The following PLRG1 variants were observed in gnomAD, a reference collection of about 807,000 sequenced individuals.
The protein encoded by PLRG1 is pleiotropic regulator 1.
A neutral mutation model predicts 74.9 loss-of-function variants in PLRG1; 28 were observed. The ratio of observed to expected loss-of-function variants is 0.37; its 90% CI spans 0.28 to 0.51. PLRG1 has a LOEUF of 0.51. Among genes scored for constraint, PLRG1 ranks in the 20% least tolerant of loss-of-function variants. The pLI, the probability that PLRG1 is intolerant of heterozygous loss-of-function variation, is 0.91. For synonymous variants in PLRG1, 197 were observed against 212.4 expected, an observed-to-expected ratio of 0.93 and a Z score of 0.63; for missense variants, 445 against 631.9, an observed-to-expected ratio of 0.70 and a Z score of 3.17.
Position 154,544,541 on chromosome 4 carries a change from G to T in PLRG1, c.498C>A (p.Val166=). 2 of 1,556,892 alleles carry T rather than the reference G, an allele frequency of 1.3e-6. No individual in the cohort carries two copies. Among genetic ancestry groups the T allele is most frequent in the Non-Finnish European group, 1.8e-6 (2 of 1,128,118 alleles). Residue 166 remains valine, a synonymous_variant, in exon 7 of 15, where the codon GTC becomes GTA. Transcript: ENST00000499023. ...AGTTCTTGGTATTGCCAGTCTCCAT[G>T]ACAATCTAGACATAGAAGAGACATT... is the stretch of plus-strand genomic sequence containing the variant. ...RPQPTAMNSI[V]METGNTKNSA...
At chr4:154,546,017 C>T in intron 5 of PLRG1, 94 bp from the exon 6 acceptor site, 1 of 1,091,124 alleles carries the variant, frequency 9.2e-7, no homozygotes, top group Non-Finnish European at 1.3e-6. Context: ...TTATAAAGTC[C>T]TGATAAAGGA....
At chr4:154,540,214 C>G (rs946744207) in intron 10 of PLRG1, 161 bp from the exon 11 acceptor site, 16 of 585,480 alleles carry the variant, frequency 2.7e-5, no homozygotes, top group Non-Finnish European at 4.2e-5. Context: ...AACTGGAGGA[C>G]GAATATAAAT....
At position 154,538,088 on chromosome 4, in the gene PLRG1, G is replaced by A; in HGVS notation, c.1172C>T (p.Ser391Phe). 6.8e-7 allele frequency: 1 copy of A among 1,478,804 alleles called. No individual in the cohort carries two copies. Among genetic ancestry groups the A allele is most frequent in the South Asian group, 1.4e-5 (1 of 73,774 alleles). 91.6% of individuals were successfully genotyped at this position (1,478,804 alleles called of 1,614,324 possible). The part of the protein sequence containing the change: ...HPRHYTFASG[S>F]PDNIKQWKFP... ...TTTCCACTGCTTTATGTTATCTGGA[G>A]AACCAGATGCAAATGTGTAACTGAA... The change falls in exon 13 of 15, where the codon TCT becomes TTT. Residue 391 changes from serine (S) to phenylalanine (F), a missense_variant. Around this residue, in one of 3 missense-constraint regions of PLRG1, gnomAD observed 221 missense variants for 377.7 expected, o/e 0.59. Coordinates refer to ENST00000499023, the MANE Select transcript of PLRG1 (RefSeq NM_002669.4).
At chr4:154,538,182 T>C in intron 12 of PLRG1, 74 bp from the exon 13 acceptor site, 1 of 741,936 alleles carries the variant, frequency 1.3e-6, no homozygotes, top group Non-Finnish European at 2.1e-6. Context: ...AAAAAGTTTA[T>C]TTCAGTTATA....
Position 154,550,296 on chromosome 4 carries a change from T to C in PLRG1, c.9+4A>G, listed in dbSNP as rs188284103. ...GACTCTTGAGAGCCCCAGTGTCACT[T>C]TACCTCGACCATGATGCTACCGTGT... On this transcript the variant is annotated splice_donor_region_variant and intron_variant, in intron 1 of 14. Transcript: ENST00000499023. 1.7e-5 allele frequency: 28 copies of C among 1,613,668 alleles called. No individual in the cohort carries two copies. Among genetic ancestry groups the C allele is most frequent in the East Asian group, 2.2e-5 (1 of 44,882 alleles).
In PLRG1 at chr4:154,535,116, TAACA is replaced by T. The variant is rs1200030388; in HGVS notation, c.*1565_*1568del. 6.6e-6 allele frequency: 1 copy of T among 152,142 alleles called. No individual in the cohort carries two copies. The highest frequency in any genetic ancestry group is 1.5e-5 in the Non-Finnish European group (1 of 68,002). 9.4% of individuals were successfully genotyped at this position (152,142 alleles called of 1,614,324 possible). A position where few individuals can be genotyped will look rare whatever the true frequency, so the allele number is the denominator to read the frequency against. ...AAAGTTCTTCCATAATTCTGCTTCCTAACAAAGCCACTGTTAGTAATGTGGTGTT... is the reference window on the plus strand; with the variant it reads ...AAAGTTCTTCCATAATTCTGCTTCCTAAGCCACTGTTAGTAATGTGGTGTT... On this transcript the variant is annotated 3_prime_UTR_variant, in exon 15 of 15. Transcript: ENST00000499023.
chr4:154,547,214 T>A (rs1236301021), intron 3 of PLRG1, 150 bp from the exon 4 acceptor site: 3 of 696,160 alleles, frequency 4.3e-6, no homozygotes, highest in Non-Finnish European at 7.8e-6. Context: ...GGGAAGTTGA[T>A]CACTTTTGCT....
chr4:154,537,989 T>C lies in PLRG1; in HGVS notation c.1271A>G (p.Asp424Gly), dbSNP rs113308763. Reference protein sequence around the residue: ...AIINTLTVNSDGVLVSGADNG... With the variant: ...AIINTLTVNSGGVLVSGADNG... The stretch of plus-strand genomic sequence containing the variant: ...TTTACCTCCAGATACAAGCACTCCA[T>C]CAGAATTTACCGTCAATGTGTTAAT... The change falls in exon 13 of 15, where the codon GAT becomes GGT. Residue 424 changes from aspartate to glycine, a missense_variant. By Grantham distance (94) the Asp-to-Gly change is moderately conservative (BLOSUM62 -1). This residue lies in a region of PLRG1 where 221 missense variants were observed against 377.7 expected (regional missense o/e 0.59). Transcript: ENST00000499023. The C allele has an allele frequency of 1.3e-6, 2 of 1,517,710 alleles. No individual in the cohort carries two copies. The highest frequency in any genetic ancestry group is 1.8e-6 in the Non-Finnish European group (2 of 1,119,136). The allele number at this position is 1,517,710 out of a possible 1,614,324, so 94.0% of individuals were successfully genotyped here.
At chr4:154,544,776 G>T (rs1368632131) in intron 6 of PLRG1, among the ~76,000 whole-genome samples, 5 of 152,150 alleles carry the variant, frequency 3.3e-5, no homozygotes, top group Non-Finnish European at 2.9e-5. Context: ...ACCCAGCTTG[G>T]CCAATTACTA....
rs749472955 is a variant in PLRG1, at chr4:154,537,463, C to G, written c.1308G>C (p.Met436Ile). 86 of 1,612,764 alleles carry G rather than the reference C, an allele frequency of 5.3e-5. No homozygotes were observed. The highest frequency in any genetic ancestry group is 5.8e-5 in the Non-Finnish European group (68 of 1,179,186). Reference sequence around the variant, plus strand: ...AGCCAGTTCTCCAGTCCCAAAGATGCATGGTGCCATTGTCAGCTTAAAGGG... The same window carrying G: ...AGCCAGTTCTCCAGTCCCAAAGATGGATGGTGCCATTGTCAGCTTAAAGGG... Reference protein sequence around the residue: ...VLVSGADNGTMHLWDWRTGYN... With the variant: ...VLVSGADNGTIHLWDWRTGYN... The change falls in exon 14 of 15, where the codon ATG becomes ATC. Residue 436 changes from methionine (M) to isoleucine (I), a missense_variant. Around this residue, in one of 3 missense-constraint regions of PLRG1, gnomAD observed 221 missense variants for 377.7 expected, o/e 0.59. Coordinates refer to ENST00000499023, the MANE Select transcript of PLRG1 (RefSeq NM_002669.4).
intron 8 of PLRG1, 132 bp from the exon 9 acceptor site, chr4:154,541,066 T>C: frequency 1.6e-6 from 1 of 638,940 alleles, no homozygotes; most frequent in Non-Finnish European, 2.4e-6. Context: ...ATAAAAAATT[T>C]TGCAAAATGA....
chr4:154,540,929 C>T lies in PLRG1; in HGVS notation c.693G>A (p.Trp231Ter). 1 of 1,591,132 alleles carries T rather than the reference C, an allele frequency of 6.3e-7. No individual in the cohort carries two copies. The highest frequency in any genetic ancestry group is 8.5e-7 in the Non-Finnish European group (1 of 1,171,498). The change falls in exon 9 of 15, where the codon TGG becomes TGA. Residue 231 changes from tryptophan to a stop codon, truncating the protein, a stop_gained. Transcript: ENST00000499023. LOFTEE classifies it high-confidence loss of function. ...GTTTTAATTTGCCACTAGCCAAGTC[C>T]CAGATCTGCAATCAAAGAATATTTA... Reference protein sequence around the residue: ...TGSADRTIKIWDLASGKLKLS... With the variant: ...TGSADRTIKI
rs1729429394 is a variant in PLRG1 at position 154,535,477 on chromosome 4, C to T, written c.*1208G>A. The T allele has an allele frequency of 6.6e-6, 1 of 150,706 alleles. No individual in the cohort carries two copies. Among genetic ancestry groups the T allele is most frequent in the Non-Finnish European group, 1.5e-5 (1 of 67,760 alleles). The allele number at this position is 150,706 out of a possible 1,614,324, so 9.3% of individuals were successfully genotyped here. ...TCCCAGAAAACTACATTCCTAAAGG[C>T]TGTGACAATTATACTCCCACCTATG... On this transcript the variant is annotated 3_prime_UTR_variant, in exon 15 of 15. Coordinates refer to ENST00000499023, the MANE Select transcript of PLRG1 (RefSeq NM_002669.4).
In PLRG1 at chr4:154,542,313, G is replaced by A. The variant is rs375824066; in HGVS notation, c.595-34C>T. 49 of 1,336,058 alleles carry A rather than the reference G, an allele frequency of 3.7e-5. No homozygotes were observed. The Middle Eastern group carries it at 9.0e-4, about 25-fold the overall frequency. The allele number at this position is 1,336,058 out of a possible 1,614,324, so 82.8% of individuals were successfully genotyped here. A position where few individuals can be genotyped will look rare whatever the true frequency, so the allele number is the denominator to read the frequency against. On this transcript the variant is annotated intron_variant, in intron 7 of 14. Coordinates refer to ENST00000499023, the MANE Select transcript of PLRG1 (RefSeq NM_002669.4). ...AACAAAGTAGAATGGGCAGGCCAACGTAGAAGTTAAAATGTATTTAAGTTT... is the reference window on the plus strand; with the variant it reads ...AACAAAGTAGAATGGGCAGGCCAACATAGAAGTTAAAATGTATTTAAGTTT...
At position 154,550,289 on chromosome 4, in the gene PLRG1, T is replaced by A. The variant is rs534606242; in HGVS notation, c.9+11A>T. 1 of 1,612,784 alleles carries A rather than the reference T, an allele frequency of 6.2e-7. No homozygotes were observed. Among genetic ancestry groups the A allele is most frequent in the South Asian group, 1.1e-5 (1 of 91,074 alleles). On this transcript the variant is annotated intron_variant, in intron 1 of 14. Coordinates refer to ENST00000499023, the MANE Select transcript of PLRG1 (RefSeq NM_002669.4). ...GACAAACGACTCTTGAGAGCCCCAG[T>A]GTCACTTTACCTCGACCATGATGCT... is the stretch of plus-strand genomic sequence containing the variant.
Position 154,535,534 on chromosome 4 carries a change from C to G in PLRG1, c.*1151G>C, listed in dbSNP as rs1729430679. 1 of 150,508 alleles carries G rather than the reference C, an allele frequency of 6.6e-6. No homozygotes were observed. The highest frequency in any genetic ancestry group is 2.1e-4 in the South Asian group (1 of 4,716). The allele number at this position is 150,508 out of a possible 1,614,324, so 9.3% of individuals were successfully genotyped here. On this transcript the variant is annotated 3_prime_UTR_variant, in exon 15 of 15. Coordinates refer to ENST00000499023, the MANE Select transcript of PLRG1 (RefSeq NM_002669.4). ...AAGATGGGTAATGTAATTGGAAGTG[C>G]TTGTTCAAAATCATGGTGCAATTTT...
chr4:154,537,109 ATCCATGGAT>A (rs1213072137), intron 14 of PLRG1, among the ~76,000 whole-genome samples, 168 bp downstream of exon 14: 1 of 152,156 alleles, frequency 6.6e-6, no homozygotes, highest in Non-Finnish European at 1.5e-5. Flanking sequence ...AATTAAAGCC[ATCCATGGAT>A]TCACTGGCAT....
chr4:154,537,219 TAAATG>T, intron 14 of PLRG1, 62 bp downstream of exon 14: 1 of 940,224 alleles, frequency 1.1e-6, no homozygotes, highest in Non-Finnish European at 1.6e-6. Flanking sequence ...TTCTGATAAT[TAAATG>T]AGAATATGCT....
At chr4:154,544,588 C>T in intron 6 of PLRG1, 42 bp from the exon 7 acceptor site, 1 of 1,035,558 alleles carries the variant, frequency 9.7e-7, no homozygotes, top group Non-Finnish European at 1.5e-6. Context: ...AGACATCATA[C>T]CTAAGGCTTC....
Sources: gnomAD v4.1 joint callset for allele counts (sites outside exome capture counted in the v4.1 genomes callset) on GRCh38, gnomAD v4.1.1 for gene constraint, gnomAD v4.1.1 regional missense constraint, MANE v1.5 for transcripts, NCBI Gene and HGNC (gene_info 2026-07-23, HGNC 2026-07-21) for gene names.